PTPRD: variants seen among roughly 807,000 people sequenced by gnomAD.
PTPRD encodes the protein receptor-type tyrosine-protein phosphatase delta.
In PTPRD, 34 loss-of-function variants were observed where a neutral mutation model predicts 214.5. The ratio of observed to expected loss-of-function variants is 0.16; its 90% CI spans 0.12 to 0.21. The LOEUF (loss-of-function observed/expected upper bound fraction) is 0.21, where lower values mean the gene tolerates loss of function less well. Ranked by LOEUF, PTPRD falls within the 10% of genes least tolerant of loss-of-function variation. The probability of loss-of-function intolerance (pLI) is 1.00; values close to 1 mark genes in which losing one functional copy is unlikely to be tolerated. For missense variants in PTPRD, 2,545 were observed against 2,398.7 expected (o/e 1.06, Z -1.27); for synonymous variants, 1,128 against 845.7 (o/e 1.33, Z -5.79).
intron 11 of PTPRD, among the ~76,000 whole-genome samples, chr9:8,911,110 T>C (rs1009304694): frequency 2.6e-5 from 4 of 152,214 alleles, no homozygotes; most frequent in African/African-American, 9.6e-5. Context: ...CATGTTTTTG[T>C]ACAATTTTAA....
chr9:8,528,815 T>A (rs1207927131), intron 14 of PTPRD, 36 bp from the exon 15 acceptor site: 2 of 1,596,250 alleles, frequency 1.3e-6, no homozygotes, highest in Admixed American at 1.7e-5. Flanking sequence ...ATTCAGTTAA[T>A]AAGTCAGATG....
chr9:9,569,386 T>A (rs1472973001), intron 8 of PTPRD, among the ~76,000 whole-genome samples: 1 of 151,738 alleles, frequency 6.6e-6, no homozygotes, highest in Non-Finnish European at 1.5e-5. Flanking sequence ...AAGATTTGTA[T>A]CATGTGATAA....
intron 10 of PTPRD, among the ~76,000 whole-genome samples, chr9:9,036,226 T>G (rs2099621399): frequency 7.0e-6 from 1 of 143,644 alleles, no homozygotes. Context: ...AAAAAAAAAC[T>G]TGGCAGGTTG....
chr9:9,692,845 CCTCTTTGGT>C (rs2097299459), intron 7 of PTPRD, among the ~76,000 whole-genome samples: 2 of 151,602 alleles, frequency 1.3e-5, no homozygotes, highest in South Asian at 4.2e-4. Flanking sequence ...AGATGTTTTA[CCTCTTTGGT>C]TAATTCCTAG....
intron 8 of PTPRD, among the ~76,000 whole-genome samples, chr9:9,529,139 A>T (rs184012195): frequency 6.6e-6 from 1 of 151,720 alleles, no homozygotes; most frequent in South Asian, 2.1e-4. Context: ...TCACCATGTT[A>T]GCCAGACTGG....
intron 10 of PTPRD, among the ~76,000 whole-genome samples, chr9:9,097,475 C>G (rs965577421): frequency 6.6e-6 from 1 of 151,376 alleles, no homozygotes; most frequent in African/African-American, 2.4e-5. Context: ...GTGGCGCAAT[C>G]TCAGCTCACT....
At chr9:10,161,713 A>G (rs2099128268) in intron 3 of PTPRD, among the ~76,000 whole-genome samples, 1 of 151,782 alleles carries the variant, frequency 6.6e-6, no homozygotes, top group Non-Finnish European at 1.5e-5. Flanking sequence ...ATCAAGCTAA[A>G]AACCTTTTGC....
At chr9:8,799,101 C>T (rs1331795107) in intron 11 of PTPRD, among the ~76,000 whole-genome samples, 1 of 152,070 alleles carries the variant, frequency 6.6e-6, no homozygotes, top group Non-Finnish European at 1.5e-5. Context: ...TCCTATGGTA[C>T]TATAATACTC....
intron 3 of PTPRD, among the ~76,000 whole-genome samples, chr9:10,057,057 G>A (rs2097665376): frequency 6.6e-6 from 1 of 152,140 alleles, no homozygotes; most frequent in African/African-American, 2.4e-5. Flanking sequence ...CAAATTGCAA[G>A]TCAGCAAAGC....
intron 8 of PTPRD, among the ~76,000 whole-genome samples, chr9:9,477,415 T>A (rs2095138398): frequency 6.6e-6 from 1 of 152,194 alleles, no homozygotes; most frequent in Non-Finnish European, 1.5e-5. Flanking sequence ...GCATTATTAG[T>A]AATTAAACTG....
chr9:10,349,415 T>C (rs544662554), intron 2 of PTPRD, among the ~76,000 whole-genome samples: 2 of 152,182 alleles, frequency 1.3e-5, no homozygotes, highest in African/African-American at 2.4e-5. Context: ...GATAAATTAT[T>C]CCAGTTAACA....
At chr9:10,373,252 T>C (rs182793268) in intron 2 of PTPRD, among the ~76,000 whole-genome samples, 15 of 151,928 alleles carry the variant, frequency 9.9e-5, no homozygotes, top group Admixed American at 8.5e-4. Flanking sequence ...GTAAAACCAA[T>C]AAAAGTAATC....
intron 9 of PTPRD, among the ~76,000 whole-genome samples, chr9:9,349,418 CAAGCTT>C (rs2050232532): frequency 6.6e-6 from 1 of 151,998 alleles, no homozygotes; most frequent in South Asian, 2.1e-4. Flanking sequence ...ACACTGCAAG[CAAGCTT>C]TAAGACAAAT....
chr9:10,084,316 T>C (rs755603311), intron 3 of PTPRD, among the ~76,000 whole-genome samples: 107 of 152,030 alleles, frequency 7.0e-4, no homozygotes, highest in Non-Finnish European at 1.1e-3. Flanking sequence ...TGTTAGTTAC[T>C]ATGTTGGAAA....
chr9:10,092,393 C>T (rs1407569001), intron 3 of PTPRD, among the ~76,000 whole-genome samples: 1 of 151,308 alleles, frequency 6.6e-6, no homozygotes, highest in Non-Finnish European at 1.5e-5. Context: ...TATACAGCTG[C>T]CCCCAAACAC....
At chr9:10,313,599 C>T (rs2096333487) in intron 3 of PTPRD, among the ~76,000 whole-genome samples, 1 of 151,840 alleles carries the variant, frequency 6.6e-6, no homozygotes, top group African/African-American at 2.4e-5. Context: ...GATGTAAAGC[C>T]ATCTATGTGT....
At chr9:8,321,820 T>G (rs558164647) in intron 44 of PTPRD, among the ~76,000 whole-genome samples, 3 of 152,110 alleles carry the variant, frequency 2.0e-5, no homozygotes, top group African/African-American at 7.2e-5. Context: ...ATACACTGTT[T>G]TATTGTGCTA....
chr9:9,470,677 A>T (rs989585423), intron 8 of PTPRD, among the ~76,000 whole-genome samples: 4 of 152,172 alleles, frequency 2.6e-5, no homozygotes, highest in Admixed American at 2.0e-4. Flanking sequence ...AAGTGAAGAA[A>T]TCTACATTCT....
intron 3 of PTPRD, among the ~76,000 whole-genome samples, chr9:10,098,776 A>G (rs424305): frequency 0.62 from 93,254 of 151,562 alleles, 29,207 homozygotes; most frequent in East Asian, 0.71. Context: ...AAGAAACTGC[A>G]CATAAAACCA....
Sources: gnomAD v4.1 joint callset for allele counts (sites outside exome capture counted in the v4.1 genomes callset) on GRCh38, gnomAD v4.1.1 for gene constraint, MANE v1.5 for transcripts, NCBI Gene and HGNC (gene_info 2026-07-23, HGNC 2026-07-21) for gene names.